MYO16: variants seen among roughly 807,000 people sequenced by gnomAD.
MYO16 encodes the protein unconventional myosin-XVI.
A neutral mutation model predicts 205.3 loss-of-function variants in MYO16; 94 were observed. The observed-to-expected ratio is 0.46, with a 90% CI of 0.39 to 0.54. The LOEUF (loss-of-function observed/expected upper bound fraction) is 0.54. MYO16 is among the 20% of genes least tolerant of loss of function. The pLI is 0.00. For missense variants in MYO16, 2,315 were observed against 2,387.5 expected, an observed-to-expected ratio of 0.97 and a Z score of 0.63; for synonymous variants, 988 against 954.0, an observed-to-expected ratio of 1.04 and a Z score of -0.66.
intron 33 of MYO16, among the ~76,000 whole-genome samples, chr13:109,173,887 C>CAG (rs1407697705): frequency 3.4e-5 from 1 of 29,118 alleles, no homozygotes; most frequent in African/African-American, 1.4e-4. Context: ...GACTCCATCT[C>CAG]AAAAAAAAAA....
At position 108,972,205 on chromosome 13, in the gene MYO16, G is replaced by GTCTCTCTCTCTCTCTC. The variant is rs749547949; in HGVS notation, c.2369+7333_2369+7348dup. On this transcript the variant is annotated intron_variant, in intron 20 of 34. Coordinates refer to ENST00000457511, the MANE Select transcript of MYO16 (RefSeq NM_001198950.3). ...AGCCTGGATGACAGACTGAGACCCT[G>GTCTCTCTCTCTCTCTC]TCTCTCTCTCTCTCTCTCTCTCTCT... Among the ~76,000 whole-genome samples the GTCTCTCTCTCTCTCTC allele has an allele frequency of 8.1e-4, 9 of 11,140 alleles. 2 individuals are homozygous for GTCTCTCTCTCTCTCTC. The highest frequency in any genetic ancestry group is 8.4e-3 in the East Asian group (2 of 238). 7.3% of individuals were successfully genotyped at this position (11,140 alleles called of 152,430 possible). A position where few individuals can be genotyped will look rare whatever the true frequency, so the allele number is the denominator to read the frequency against.
At chr13:109,147,267 T>A (rs556440309) in intron 32 of MYO16, among the ~76,000 whole-genome samples, 1 of 152,144 alleles carries the variant, frequency 6.6e-6, no homozygotes, top group African/African-American at 2.4e-5. Flanking sequence ...TAAGTCAATA[T>A]CATATGGGTT....
chr13:108,924,816 C>T (rs980768225), intron 16 of MYO16, among the ~76,000 whole-genome samples: 36 of 20,794 alleles, frequency 1.7e-3, no homozygotes, highest in South Asian at 3.4e-3. Context: ...TTTTGTTCAG[C>T]TTAACGTCTG....
At chr13:108,867,024 C>T (rs1357135710) in intron 12 of MYO16, among the ~76,000 whole-genome samples, 1 of 151,792 alleles carries the variant, frequency 6.6e-6, no homozygotes, top group African/African-American at 2.4e-5. Context: ...GAGCATCCAC[C>T]ACCCCACCCT....
chr13:108,591,750 T>C (rs745928118), upstream of MYO16, among the ~76,000 whole-genome samples: 4 of 152,192 alleles, frequency 2.6e-5, no homozygotes, highest in Non-Finnish European at 4.4e-5. Flanking sequence ...ATGACCTACT[T>C]TGAAGTTTCA....
At chr13:108,667,313 CTGTTT>C (rs1446300979) in intron 2 of MYO16, among the ~76,000 whole-genome samples, 1 of 120,902 alleles carries the variant, frequency 8.3e-6, no homozygotes. Context: ...CTGAGAATTT[CTGTTT>C]TGTTTTTTTT....
intron 27 of MYO16, among the ~76,000 whole-genome samples, chr13:109,089,858 C>T (rs1888562815): frequency 6.6e-6 from 1 of 152,122 alleles, no homozygotes. Flanking sequence ...TCTGTTTTTC[C>T]CTCACGCTCC....
intron 14 of MYO16, among the ~76,000 whole-genome samples, chr13:108,897,712 C>T (rs1411098385): frequency 6.6e-6 from 1 of 152,106 alleles, no homozygotes; most frequent in African/African-American, 2.4e-5. Context: ...ATCTTGATAA[C>T]ATTTGTTAAG....
intron 7 of MYO16, among the ~76,000 whole-genome samples, chr13:108,810,221 T>C (rs1414660874): frequency 1.3e-5 from 2 of 152,240 alleles, no homozygotes; most frequent in African/African-American, 4.8e-5. Context: ...GAAGATCGTA[T>C]GTCTTTACTA....
intron 9 of MYO16, among the ~76,000 whole-genome samples, chr13:108,831,964 T>C (rs1876644142): frequency 6.6e-6 from 1 of 152,136 alleles, no homozygotes; most frequent in Non-Finnish European, 1.5e-5. Flanking sequence ...ATACTATTCT[T>C]AGTTTCTGAG....
At chr13:108,674,012 GT>G (rs1882101082) in intron 2 of MYO16, among the ~76,000 whole-genome samples, 1 of 152,114 alleles carries the variant, frequency 6.6e-6, no homozygotes, top group Non-Finnish European at 1.5e-5. Context: ...CTGTCTGCGT[GT>G]CATTCAGAGC....
At chr13:109,111,431 T>G (rs540215486) in intron 28 of MYO16, among the ~76,000 whole-genome samples, 1 of 152,318 alleles carries the variant, frequency 6.6e-6, no homozygotes, top group African/African-American at 2.4e-5. Flanking sequence ...TAAAAAATAC[T>G]AGGGCATTTT....
At chr13:109,199,259 C>T (rs1326414152) in intron 34 of MYO16, among the ~76,000 whole-genome samples, 1 of 136,238 alleles carries the variant, frequency 7.3e-6, no homozygotes, top group African/African-American at 2.7e-5. Context: ...TTGCCTCGCT[C>T]CATCTCTGTG....
chr13:108,791,101 T>C (rs952141704), intron 5 of MYO16, among the ~76,000 whole-genome samples: 8 of 152,202 alleles, frequency 5.3e-5, no homozygotes, highest in Admixed American at 6.5e-5. Flanking sequence ...AATTTCATAA[T>C]CCTAAAAGTC....
At chr13:108,910,975 A>G (rs9555531) in intron 16 of MYO16, among the ~76,000 whole-genome samples, 26,560 of 151,408 alleles carry the variant, frequency 0.18, 2,688 homozygotes, top group East Asian at 0.5. Flanking sequence ...CTAGGGGAAC[A>G]GTGTGAGTTT....
chr13:108,768,108 C>A (rs9521020), intron 4 of MYO16, among the ~76,000 whole-genome samples: 50,141 of 152,032 alleles, frequency 0.33, 9,465 homozygotes, highest in East Asian at 0.63. Context: ...CCAGCCCAGG[C>A]TTCTCAGACT....
At position 108,629,674 on chromosome 13, in the gene MYO16, T is replaced by C; in HGVS notation, c.-171T>C. ...CTTAACTCCAGCTGCCGAATGAGAA[T>C]GAGTTTGAAGCTTTTTGCAGGATCA... On this transcript the variant is annotated 5_prime_UTR_variant, in exon 1 of 35. It removes an upstream start codon present in the reference 5' UTR. Coordinates refer to ENST00000457511, the MANE Select transcript of MYO16 (RefSeq NM_001198950.3). 2 of 572,206 alleles carry C rather than the reference T, an allele frequency of 3.5e-6. No individual in the cohort carries two copies. The highest frequency in any genetic ancestry group is 6.0e-6 in the Non-Finnish European group (2 of 331,812). The allele number at this position is 572,206 out of a possible 1,614,324, so 35.4% of individuals were successfully genotyped here.
intron 34 of MYO16, among the ~76,000 whole-genome samples, chr13:109,184,658 G>A (rs958381255): frequency 6.6e-6 from 1 of 151,984 alleles, no homozygotes; most frequent in Admixed American, 6.6e-5. Context: ...GTTCAGTGGC[G>A]CAATCTCGGC....
intron 6 of MYO16, among the ~76,000 whole-genome samples, chr13:108,798,714 TTTGA>T (rs1886873675): frequency 7.2e-6 from 1 of 139,016 alleles, no homozygotes; most frequent in African/African-American, 2.7e-5. Flanking sequence ...TTTTTTTTTT[TTTGA>T]GATGGAGTCT....
Sources: gnomAD v4.1 joint callset for allele counts (sites outside exome capture counted in the v4.1 genomes callset) on GRCh38, gnomAD v4.1.1 for gene constraint, MANE v1.5 for transcripts, NCBI Gene and HGNC (gene_info 2026-07-23, HGNC 2026-07-21) for gene names.